The following PHF21A variants were observed in gnomAD, a reference collection of about 807,000 sequenced individuals.
PHF21A encodes BHC80a.
Under a neutral mutation model 82.5 loss-of-function variants are expected in PHF21A, and 11 were observed. The observed-to-expected ratio is 0.13, with a 90% CI of 0.08 to 0.22. The LOEUF (loss-of-function observed/expected upper bound fraction) is 0.22, where lower values mean the gene tolerates loss of function less well. Ranked by LOEUF, PHF21A falls within the 10% of genes least tolerant of loss-of-function variation. The pLI is 1.00. For synonymous variants in PHF21A, 297 were observed against 302.8 expected, an observed-to-expected ratio of 0.98 and a Z score of 0.20; for missense variants, 579 against 837.8, an observed-to-expected ratio of 0.69 and a Z score of 3.81.
intron 1 of PHF21A, among the ~76,000 whole-genome samples, chr11:46,115,258 A>G (rs2097274484): frequency 6.6e-6 from 1 of 152,220 alleles, no homozygotes; most frequent in Non-Finnish European, 1.5e-5. Flanking sequence ...AACCTCACAT[A>G]TAATTTCTAA....
chr11:46,111,219 A>G (rs908600480), intron 1 of PHF21A, among the ~76,000 whole-genome samples: 4 of 151,794 alleles, frequency 2.6e-5, no homozygotes, highest in Non-Finnish European at 5.9e-5. Flanking sequence ...CTGTAATCCC[A>G]GCACTTTGGG....
At chr11:46,015,080 G>C (rs2095490919) in intron 6 of PHF21A, among the ~76,000 whole-genome samples, 1 of 151,934 alleles carries the variant, frequency 6.6e-6, no homozygotes, top group Admixed American at 6.6e-5. Flanking sequence ...CTTTTGATTT[G>C]CATTTCTTTG....
At chr11:45,978,404 A>G (rs1217588750) in intron 7 of PHF21A, among the ~76,000 whole-genome samples, 2 of 152,176 alleles carry the variant, frequency 1.3e-5, no homozygotes, top group Middle Eastern at 3.2e-3. Context: ...TATGTAAAAC[A>G]CTTAGGAGAC....
At chr11:45,937,032 A>G (rs1211414843) in intron 16 of PHF21A, among the ~76,000 whole-genome samples, 1 of 152,240 alleles carries the variant, frequency 6.6e-6, no homozygotes, top group Non-Finnish European at 1.5e-5. Flanking sequence ...CAAATACTAA[A>G]GTATAATCTA....
intron 6 of PHF21A, among the ~76,000 whole-genome samples, chr11:46,000,975 T>C (rs2095106454): frequency 6.6e-6 from 1 of 152,050 alleles, no homozygotes; most frequent in Non-Finnish European, 1.5e-5. Flanking sequence ...CACTTTTTCA[T>C]TGTTTCACGT....
chr11:46,030,820 C>A (rs184573590), intron 6 of PHF21A, among the ~76,000 whole-genome samples: 2 of 75,286 alleles, frequency 2.7e-5, no homozygotes, highest in Non-Finnish European at 5.4e-5. Flanking sequence ...TGTGTGTGTG[C>A]GTGTGTGTGC....
At chr11:45,963,420 CA>C (rs35389845) in intron 10 of PHF21A, among the ~76,000 whole-genome samples, 35,395 of 89,834 alleles carry the variant, frequency 0.39, 4,308 homozygotes, top group East Asian at 0.69. Context: ...AACTCTGTGT[CA>C]AAAAAAAAAA....
chr11:46,007,651 A>C (rs1018106391), intron 6 of PHF21A, among the ~76,000 whole-genome samples: 3 of 152,068 alleles, frequency 2.0e-5, no homozygotes, highest in African/African-American at 4.8e-5. Flanking sequence ...TGTTAATTTT[A>C]TTCACATTAA....
intron 10 of PHF21A, among the ~76,000 whole-genome samples, chr11:45,956,238 C>T (rs958683251): frequency 1.3e-5 from 2 of 152,122 alleles, no homozygotes; most frequent in African/African-American, 2.4e-5. Flanking sequence ...GAAACAAGAA[C>T]TCCAATAAAG....
At chr11:45,947,084 G>A (rs2091407910) in intron 14 of PHF21A, among the ~76,000 whole-genome samples, 1 of 152,166 alleles carries the variant, frequency 6.6e-6, no homozygotes, top group Admixed American at 6.5e-5. Flanking sequence ...AAAAGTCTCA[G>A]GAAAGGCCCT....
chr11:45,940,520 T>C (rs1268158866), intron 15 of PHF21A, among the ~76,000 whole-genome samples: 1 of 152,136 alleles, frequency 6.6e-6, no homozygotes, highest in Non-Finnish European at 1.5e-5. Flanking sequence ...AGTAGGAAAA[T>C]GTGACCACTG....
At chr11:45,979,021 C>CT (rs1165901172) in intron 7 of PHF21A, among the ~76,000 whole-genome samples, 272 of 142,910 alleles carry the variant, frequency 1.9e-3, no homozygotes, top group Middle Eastern at 7.2e-3. Flanking sequence ...TAGCACTCTT[C>CT]TTTTTTTTTT....
intron 6 of PHF21A, among the ~76,000 whole-genome samples, chr11:46,070,772 A>G (rs183122641): frequency 6.6e-6 from 1 of 152,360 alleles, no homozygotes; most frequent in East Asian, 1.9e-4. Context: ...AAACCAAAAG[A>G]TAATTTATGG....
chr11:45,949,395 G>A lies in PHF21A; in HGVS notation c.1227+7C>T. On this transcript the variant is annotated splice_region_variant and intron_variant, in intron 13 of 18. Coordinates refer to ENST00000676320, the MANE Select transcript of PHF21A (RefSeq NM_001352027.3). Reference sequence around the variant, plus strand: ...TGAGGGAAGGGCCAGATGCTGGCCAGTAATACCTCTGGCTCAAAGACTGCT... The same window carrying A: ...TGAGGGAAGGGCCAGATGCTGGCCAATAATACCTCTGGCTCAAAGACTGCT... The A allele has an allele frequency of 6.2e-7, 1 of 1,612,120 alleles. No homozygotes were observed. Among genetic ancestry groups the A allele is most frequent in the Admixed American group, 1.7e-5 (1 of 60,030 alleles).
chr11:45,995,327 A>G (rs1314112235), intron 6 of PHF21A, among the ~76,000 whole-genome samples: 1 of 152,198 alleles, frequency 6.6e-6, no homozygotes, highest in Non-Finnish European at 1.5e-5. Context: ...ACAAAAGTGC[A>G]ATGTTTAACA....
chr11:46,099,562 A>ACACACACACACACACACACC (rs1228299404), intron 1 of PHF21A, among the ~76,000 whole-genome samples: 2 of 145,922 alleles, frequency 1.4e-5, no homozygotes, highest in South Asian at 2.2e-4. Context: ...ACACACACAC[A>ACACACACACACACACACACC]CCCTAAACAC....
chr11:46,039,465 G>A (rs939470722), intron 6 of PHF21A, among the ~76,000 whole-genome samples: 4 of 152,180 alleles, frequency 2.6e-5, no homozygotes, highest in Non-Finnish European at 4.4e-5. Flanking sequence ...AGTCAGGTAA[G>A]TACAGGGCCC....
intron 11 of PHF21A, among the ~76,000 whole-genome samples, chr11:45,952,052 G>A (rs1035566743): frequency 5.3e-5 from 8 of 152,238 alleles, no homozygotes; most frequent in South Asian, 2.1e-4. Flanking sequence ...TGGTCCGCCC[G>A]CCTCAGCCTC....
chr11:46,035,815 AAGAG>A (rs754100665), intron 6 of PHF21A, among the ~76,000 whole-genome samples: 4 of 152,166 alleles, frequency 2.6e-5, no homozygotes, highest in Admixed American at 2.6e-4. Flanking sequence ...AGTTTGAAGA[AAGAG>A]AGAGAGAAAA....
Sources: allele counts gnomAD v4.1 joint callset (sites outside exome capture counted in the v4.1 genomes callset), GRCh38; gene constraint gnomAD v4.1.1; transcripts MANE v1.5; gene names NCBI Gene and HGNC (gene_info 2026-07-23, HGNC 2026-07-21).